SPAG16: variants seen among roughly 807,000 people sequenced by gnomAD.
The protein encoded by SPAG16 is sperm-associated antigen 16 protein.
A neutral mutation model predicts 80.4 loss-of-function variants in SPAG16; 86 were observed. The ratio of observed to expected loss-of-function variants is 1.07; its 90% CI spans 0.90 to 1.28. The LOEUF is 1.28. SPAG16 is among the 50% of genes most tolerant of loss of function. The pLI is 0.00. For synonymous variants in SPAG16, 294 were observed against 265.9 expected, an observed-to-expected ratio of 1.11 and a Z score of -1.03; for missense variants, 870 against 765.3, an observed-to-expected ratio of 1.14 and a Z score of -1.61.
intron 12 of SPAG16, among the ~76,000 whole-genome samples, chr2:213,976,135 T>TATATATATACACACAC (rs749957411): frequency 3.2e-4 from 26 of 81,398 alleles, no homozygotes; most frequent in East Asian, 3.0e-3. Context: ...TATATATATA[T>TATATATATACACACAC]ACACACACAC....
At chr2:214,215,944 TAGA>T (rs2058420692) in intron 15 of SPAG16, among the ~76,000 whole-genome samples, 1 of 152,200 alleles carries the variant, frequency 6.6e-6, no homozygotes, top group Non-Finnish European at 1.5e-5. Context: ...TAAATCAAAA[TAGA>T]GTATGTGAGT....
At chr2:214,020,559 T>C (rs2047811379) in intron 13 of SPAG16, among the ~76,000 whole-genome samples, 1 of 152,184 alleles carries the variant, frequency 6.6e-6, no homozygotes, top group Non-Finnish European at 1.5e-5. Flanking sequence ...TTAATGACTG[T>C]AATTCAGTGA....
chr2:214,063,655 G>A (rs2050391586), intron 13 of SPAG16, among the ~76,000 whole-genome samples: 1 of 152,120 alleles, frequency 6.6e-6, no homozygotes, highest in Non-Finnish European at 1.5e-5. Context: ...GGGACATTCA[G>A]ACAGTAACAC....
chr2:213,317,647 A>G, intron 5 of SPAG16: 2 of 1,033,140 alleles, frequency 1.9e-6, no homozygotes, highest in Non-Finnish European at 2.3e-6. Flanking sequence ...ATGGTTTATA[A>G]CATTTTCTCC....
chr2:214,358,412 G>A (rs529759318), intron 15 of SPAG16, among the ~76,000 whole-genome samples: 1 of 151,974 alleles, frequency 6.6e-6, no homozygotes, highest in African/African-American at 2.4e-5. Flanking sequence ...TTTCCCTCAT[G>A]CCAAACTATA....
intron 10 of SPAG16, among the ~76,000 whole-genome samples, chr2:213,853,936 A>G (rs6753550): frequency 0.34 from 52,365 of 151,932 alleles, 9,484 homozygotes; most frequent in South Asian, 0.47. Flanking sequence ...CAGGGTCTAA[A>G]ATGAGCTTTT....
At chr2:213,296,653 G>A (rs375288045) in intron 2 of SPAG16, among the ~76,000 whole-genome samples, 19 of 152,270 alleles carry the variant, frequency 1.2e-4, no homozygotes, top group African/African-American at 4.1e-4. Flanking sequence ...TAAGCCTGGC[G>A]AGCCTGGGTG....
chr2:213,435,026 A>T (rs1000125098), intron 9 of SPAG16, among the ~76,000 whole-genome samples: 3 of 152,210 alleles, frequency 2.0e-5, no homozygotes, highest in Non-Finnish European at 2.9e-5. Context: ...TTATTGCAGC[A>T]CTATTCATAA....
chr2:214,383,018 A>G (rs1257038487), intron 15 of SPAG16, among the ~76,000 whole-genome samples: 2 of 151,466 alleles, frequency 1.3e-5, no homozygotes, highest in Non-Finnish European at 2.9e-5. Flanking sequence ...CTGTCCCACA[A>G]AAGACAACTC....
intron 10 of SPAG16, among the ~76,000 whole-genome samples, chr2:213,668,691 A>G (rs1386207527): frequency 6.6e-6 from 1 of 151,996 alleles, no homozygotes; most frequent in East Asian, 1.9e-4. Flanking sequence ...CCAGAGTACA[A>G]TGGCTGGAGT....
chr2:213,319,095 A>G (rs1273655408), intron 5 of SPAG16, among the ~76,000 whole-genome samples: 2 of 152,004 alleles, frequency 1.3e-5, no homozygotes, highest in Non-Finnish European at 2.9e-5. Flanking sequence ...GCAATGTTAT[A>G]TGGAAAAATC....
chr2:213,762,102 C>A (rs2068695995), intron 10 of SPAG16, among the ~76,000 whole-genome samples: 1 of 152,058 alleles, frequency 6.6e-6, no homozygotes, highest in South Asian at 2.1e-4. Flanking sequence ...AGAAAAAACA[C>A]ACATGATTAT....
chr2:213,285,685 A>G (rs1276771882), intron 1 of SPAG16, among the ~76,000 whole-genome samples: 1 of 152,252 alleles, frequency 6.6e-6, no homozygotes, highest in African/African-American at 2.4e-5. Context: ...CTGAAAGATT[A>G]AAGAAAATAT....
intron 10 of SPAG16, among the ~76,000 whole-genome samples, chr2:213,748,695 C>T (rs1263222921): frequency 6.6e-6 from 1 of 152,052 alleles, no homozygotes; most frequent in Non-Finnish European, 1.5e-5. Flanking sequence ...GAAATCAATA[C>T]ATGTGATATA....
intron 5 of SPAG16, among the ~76,000 whole-genome samples, chr2:213,328,009 A>C (rs1164550088): frequency 1.3e-5 from 2 of 152,102 alleles, no homozygotes; most frequent in African/African-American, 4.8e-5. Flanking sequence ...GGAGGTGCTA[A>C]ATTTGATATT....
At chr2:213,434,565 A>C (rs565951041) in intron 9 of SPAG16, among the ~76,000 whole-genome samples, 1 of 152,346 alleles carries the variant, frequency 6.6e-6, no homozygotes, top group East Asian at 1.9e-4. Context: ...TTTGCAAACT[A>C]TGCATCTGAT....
chr2:214,223,101 A>G (rs969488022), intron 15 of SPAG16, among the ~76,000 whole-genome samples: 1 of 152,144 alleles, frequency 6.6e-6, no homozygotes, highest in Non-Finnish European at 1.5e-5. Flanking sequence ...AAACACCTGC[A>G]TTTTAAAAGA....
intron 9 of SPAG16, among the ~76,000 whole-genome samples, chr2:213,415,351 A>C (rs2069191881): frequency 6.6e-6 from 1 of 152,188 alleles, no homozygotes; most frequent in Admixed American, 6.5e-5. Context: ...TCATTATCTG[A>C]AGGTACTTCC....
intron 14 of SPAG16, among the ~76,000 whole-genome samples, chr2:214,124,420 TTAGGATTTATTA>T (rs2054372054): frequency 6.6e-6 from 1 of 151,742 alleles, no homozygotes; most frequent in South Asian, 2.1e-4. Context: ...TCCTCTCTAA[TTAGGATTTATTA>T]TAGCCAGTCT....
Sources: allele counts gnomAD v4.1 joint callset (sites outside exome capture counted in the v4.1 genomes callset), GRCh38; gene constraint gnomAD v4.1.1; transcripts MANE v1.5; gene names NCBI Gene and HGNC (gene_info 2026-07-23, HGNC 2026-07-21).